MSRA: variants seen among roughly 807,000 people sequenced by gnomAD.
MSRA encodes mitochondrial peptide methionine sulfoxide reductase.
In MSRA, 54 loss-of-function variants were observed where a neutral mutation model predicts 31.3. The ratio of observed to expected loss-of-function variants is 1.73; its 90% CI spans 1.39 to 2.17. The LOEUF (loss-of-function observed/expected upper bound fraction) is 2.17, where lower values mean the gene tolerates loss of function less well. Among genes scored for constraint, MSRA ranks in the 30% most tolerant of loss-of-function variants. MSRA has a pLI of 0.00. For synonymous variants in MSRA, 169 were observed against 116.5 expected (o/e 1.45, Z -2.90); for missense variants, 507 against 300.9 (o/e 1.69, Z -5.07).
intron 1 of MSRA, among the ~76,000 whole-genome samples, chr8:10,202,191 A>G (rs1010053723): frequency 2.0e-5 from 3 of 152,220 alleles, no homozygotes; most frequent in Admixed American, 2.0e-4. Flanking sequence ...TACTGAACCT[A>G]TACGAAGGGT....
In MSRA at chr8:10,320,168, G is replaced by A. The variant is rs943802458; in HGVS notation, c.543+179G>A. On this transcript the variant is annotated intron_variant, in intron 5 of 5. Coordinates refer to ENST00000317173, the MANE Select transcript of MSRA (RefSeq NM_012331.5). ...TGTGTCTAATACGTGTGCTAAATGA[G>A]GTTTTAAGAGTAGGCCTGGGCCAGG... 3 of 460,252 alleles carry A rather than the reference G, an allele frequency of 6.5e-6. No homozygotes were observed. In the Admixed American group the frequency reaches 1.2e-4, roughly 19 times the overall value. 28.5% of individuals were successfully genotyped at this position (460,252 alleles called of 1,614,324 possible).
At chr8:10,217,121 G>A (rs1198657595) in intron 2 of MSRA, among the ~76,000 whole-genome samples, 2 of 152,182 alleles carry the variant, frequency 1.3e-5, no homozygotes, top group African/African-American at 4.8e-5. Flanking sequence ...AATGGCGATG[G>A]ATTTCAGTTT....
At chr8:10,137,556 A>C (rs1427409318) in intron 1 of MSRA, among the ~76,000 whole-genome samples, 1 of 152,256 alleles carries the variant, frequency 6.6e-6, no homozygotes, top group Admixed American at 6.5e-5. Context: ...CTAACCCATT[A>C]GAAAGAACTG....
intron 4 of MSRA, among the ~76,000 whole-genome samples, chr8:10,303,060 G>A (rs761610489): frequency 1.2e-4 from 19 of 152,232 alleles, no homozygotes; most frequent in Non-Finnish European, 2.2e-4. Flanking sequence ...TGGAGCAGAC[G>A]TTCAGCCATT....
intron 5 of MSRA, among the ~76,000 whole-genome samples, chr8:10,379,603 C>G (rs115610666): frequency 1.3e-5 from 2 of 152,188 alleles, no homozygotes; most frequent in Non-Finnish European, 2.9e-5. Flanking sequence ...GCACCCTGGT[C>G]TCCTCCCAGA....
intron 1 of MSRA, among the ~76,000 whole-genome samples, chr8:10,144,841 C>T (rs1341585301): frequency 6.6e-6 from 1 of 152,132 alleles, no homozygotes; most frequent in Non-Finnish European, 1.5e-5. Context: ...GACTGTGCTT[C>T]TCTGTTAACT....
chr8:10,247,539 A>G (rs1403268821), intron 3 of MSRA, among the ~76,000 whole-genome samples: 3 of 152,192 alleles, frequency 2.0e-5, no homozygotes, highest in South Asian at 2.1e-4. Context: ...GTTTAGAAGG[A>G]AAAAGGGCCA....
intron 1 of MSRA, among the ~76,000 whole-genome samples, chr8:10,114,163 A>G (rs779141010): frequency 2.0e-5 from 3 of 152,202 alleles, no homozygotes; most frequent in Non-Finnish European, 4.4e-5. Flanking sequence ...TTATGGCTGA[A>G]TAATAATCCA....
At chr8:10,065,418 G>T (rs1211647740) in intron 1 of MSRA, among the ~76,000 whole-genome samples, 1 of 152,154 alleles carries the variant, frequency 6.6e-6, no homozygotes, top group Non-Finnish European at 1.5e-5. Context: ...ATACTAACAA[G>T]CTCTGTCGAA....
Position 10,054,651 on chromosome 8 carries a change from T to C in MSRA, c.135T>C (p.Pro45=), listed in dbSNP as rs146713993. 3.8e-6 allele frequency: 6 copies of C among 1,564,318 alleles called. No homozygotes were observed. The East Asian group carries it at 1.0e-4, about 27-fold the overall frequency. The change falls in exon 1 of 6, where the codon CCT becomes CCC. Residue 45 remains proline, a synonymous_variant. Transcript: ENST00000317173. ...EALPGRKEQT[P]VAAKHHVNGN... ...TGCCGGGCCGGAAGGAACAGACCCC[T>C]GTAGCGGGTAAGCACTGGCCACACG...
chr8:10,258,153 C>G (rs1236936788), intron 3 of MSRA, among the ~76,000 whole-genome samples: 2 of 152,214 alleles, frequency 1.3e-5, no homozygotes, highest in Admixed American at 6.5e-5. Context: ...GGCAGATTAT[C>G]TGACTTGTGT....
chr8:10,107,873 A>G lies in MSRA; in HGVS notation c.142+53215A>G, dbSNP rs182283436. Among the ~76,000 whole-genome samples the G allele has an allele frequency of 3.9e-5, 6 of 152,252 alleles. No homozygotes were observed. The East Asian group carries it at 1.2e-3, about 29-fold the overall frequency. The stretch of plus-strand genomic sequence containing the variant: ...TCCCCGGATATTGCTAAGTGATTCT[A>G]CTTTTTAAAGACCTCCAGAGAGAGC... On this transcript the variant is annotated intron_variant, in intron 1 of 5. Transcript: ENST00000317173.
intron 2 of MSRA, among the ~76,000 whole-genome samples, chr8:10,221,316 T>G (rs1159000194): frequency 6.6e-6 from 1 of 152,126 alleles, no homozygotes; most frequent in Non-Finnish European, 1.5e-5. Flanking sequence ...TTTTCTCCCA[T>G]GTAAGACATT....
At chr8:10,316,890 T>C (rs1310288514) in intron 4 of MSRA, among the ~76,000 whole-genome samples, 1 of 152,090 alleles carries the variant, frequency 6.6e-6, no homozygotes, top group East Asian at 1.9e-4. Flanking sequence ...GACCCTACTT[T>C]CCAGCAGAAG....
At chr8:10,380,898 G>T (rs1191702393) in intron 5 of MSRA, among the ~76,000 whole-genome samples, 1 of 151,312 alleles carries the variant, frequency 6.6e-6, no homozygotes, top group African/African-American at 2.4e-5. Flanking sequence ...TGGATGGATG[G>T]AAGGCTGGAG....
intron 1 of MSRA, among the ~76,000 whole-genome samples, chr8:10,193,826 T>A (rs377347180): frequency 1.5e-4 from 23 of 152,208 alleles, no homozygotes; most frequent in East Asian, 1.4e-3. Context: ...TAGAAGAAAA[T>A]GTTAGAGTAG....
At chr8:10,285,645 C>A (rs1019188008) in intron 3 of MSRA, among the ~76,000 whole-genome samples, 1 of 152,000 alleles carries the variant, frequency 6.6e-6, no homozygotes, top group African/African-American at 2.4e-5. Context: ...CCTATATCCC[C>A]TTCCCCCCAC....
At chr8:10,087,456 T>C (rs1798621200) in intron 1 of MSRA, among the ~76,000 whole-genome samples, 1 of 152,216 alleles carries the variant, frequency 6.6e-6, no homozygotes, top group South Asian at 2.1e-4. Context: ...AGAGAATTGT[T>C]CGAGTGAATG....
intron 1 of MSRA, among the ~76,000 whole-genome samples, chr8:10,147,918 C>G (rs575768103): frequency 1.3e-5 from 2 of 152,332 alleles, no homozygotes; most frequent in East Asian, 3.9e-4. Context: ...TGATGCGAAA[C>G]TCCAAAGAGC....
Sources: allele counts gnomAD v4.1 joint callset (sites outside exome capture counted in the v4.1 genomes callset), GRCh38; gene constraint gnomAD v4.1.1; transcripts MANE v1.5; gene names NCBI Gene and HGNC (gene_info 2026-07-23, HGNC 2026-07-21).